ADAMTS16: variants seen among roughly 807,000 people sequenced by gnomAD.
ADAMTS16 encodes the protein A disintegrin and metalloproteinase with thrombospondin motifs 16.
A neutral mutation model predicts 145.8 loss-of-function variants in ADAMTS16; 94 were observed. That is an observed-to-expected ratio of 0.64 (90% confidence interval 0.55 to 0.77). The LOEUF is 0.77. Among genes scored for constraint, ADAMTS16 ranks in the 30% least tolerant of loss-of-function variants. The probability of loss-of-function intolerance (pLI) is 0.00; values close to 1 mark genes in which losing one functional copy is unlikely to be tolerated. For synonymous variants in ADAMTS16, 659 were observed against 604.3 expected (o/e 1.09, Z -1.33); for missense variants, 1,585 against 1,591.5 (o/e 1.00, Z 0.07).
intron 9 of ADAMTS16, among the ~76,000 whole-genome samples, chr5:5,201,446 T>C (rs1465137256): frequency 6.6e-6 from 1 of 150,834 alleles, no homozygotes; most frequent in African/African-American, 2.4e-5. Flanking sequence ...ACTAGCTAGT[T>C]GTGATAGGAA....
intron 7 of ADAMTS16, among the ~76,000 whole-genome samples, chr5:5,191,041 G>A (rs1410213568): frequency 6.6e-6 from 1 of 152,194 alleles, no homozygotes; most frequent in Non-Finnish European, 1.5e-5. Context: ...GTCCCTGGTG[G>A]ACAACATTCA....
rs776323530 is a variant in ADAMTS16 at position 5,303,291 on chromosome 5, C to T, written c.2813C>T (p.Ala938Val). ...AGCTGGTCCGTGGGGAACTGGAGTG[C>T]CTGCAGTCGGACGTGTGGCGGGGGT... ...PPSWSVGNWS[A>V]CSRTCGGGAQ... Residue 938 changes from alanine to valine, a missense_variant, in exon 19 of 23, where the codon GCC becomes GTC. Around this residue, in one of 3 missense-constraint regions of ADAMTS16, gnomAD observed 834 missense variants for 811.7 expected, o/e 1.03. Coordinates refer to ENST00000274181, the MANE Select transcript of ADAMTS16 (RefSeq NM_139056.4). The T allele has an allele frequency of 3.2e-6, 5 of 1,586,764 alleles. No homozygotes were observed. Among genetic ancestry groups the T allele is most frequent in the Non-Finnish European group, 4.3e-6 (5 of 1,164,272 alleles).
At chr5:5,302,740 C>A (rs571551264) in intron 18 of ADAMTS16, among the ~76,000 whole-genome samples, 1 of 152,136 alleles carries the variant, frequency 6.6e-6, no homozygotes, top group Non-Finnish European at 1.5e-5. Context: ...GGAACACTAG[C>A]CCTTCAGGGA....
intron 8 of ADAMTS16, among the ~76,000 whole-genome samples, chr5:5,194,513 C>T (rs887146068): frequency 3.9e-5 from 6 of 152,054 alleles, no homozygotes; most frequent in African/African-American, 1.4e-4. Flanking sequence ...TGAATGGAGT[C>T]GGGGAATGAG....
intron 9 of ADAMTS16, among the ~76,000 whole-genome samples, chr5:5,208,201 G>A (rs1265303383): frequency 3.3e-5 from 5 of 151,322 alleles, no homozygotes; most frequent in Non-Finnish European, 5.9e-5. Flanking sequence ...TGGAACGTGG[G>A]ACTGGGGGTC....
At chr5:5,159,502 G>A (rs1734688576) in intron 3 of ADAMTS16, among the ~76,000 whole-genome samples, 1 of 152,030 alleles carries the variant, frequency 6.6e-6, no homozygotes, top group South Asian at 2.1e-4. Context: ...CTCAGTCCCC[G>A]CCGCCCCCAC....
intron 10 of ADAMTS16, among the ~76,000 whole-genome samples, chr5:5,220,738 G>A (rs1736581297): frequency 6.6e-6 from 1 of 152,036 alleles, no homozygotes. Context: ...ATTAGACGTT[G>A]CTGTCCTCAT....
chr5:5,161,841 T>G (rs1264072201), intron 3 of ADAMTS16, among the ~76,000 whole-genome samples: 1 of 152,198 alleles, frequency 6.6e-6, no homozygotes, highest in Non-Finnish European at 1.5e-5. Flanking sequence ...ATGGTTCTTC[T>G]GCTCCCTGTA....
chr5:5,276,972 G>A (rs17714730), intron 18 of ADAMTS16, among the ~76,000 whole-genome samples: 18,534 of 152,068 alleles, frequency 0.12, 1,278 homozygotes, highest in Non-Finnish European at 0.16. Context: ...CCTCGTTTTC[G>A]AAAGCACTGC....
rs1435962499 is a variant in ADAMTS16 at position 5,186,226 on chromosome 5, C to G, written c.938C>G (p.Thr313Ser). 1.9e-6 allele frequency: 3 copies of G among 1,613,660 alleles called. No homozygotes were observed. Among genetic ancestry groups the G allele is most frequent in the Non-Finnish European group, 2.5e-6 (3 of 1,180,018 alleles). Reference sequence around the variant, plus strand: ...AACCATGGCCATGAAAATATCACCACCTACGTGCTCACGATACTCAACATG... The same window carrying G: ...AACCATGGCCATGAAAATATCACCAGCTACGTGCTCACGATACTCAACATG... ...MQNHGHENITTYVLTILNMVS... is the reference protein window; with the variant it reads ...MQNHGHENITSYVLTILNMVS... The change falls in exon 5 of 23, where the codon ACC becomes AGC. Residue 313 changes from threonine to serine, a missense_variant. By Grantham distance (58) the Thr-to-Ser change is moderately conservative. Transcript: ENST00000274181.
At position 5,303,646 on chromosome 5, in the gene ADAMTS16, G is replaced by C; in HGVS notation, c.3066G>C (p.Ala1022=). 6.2e-7 allele frequency: 1 copy of C among 1,614,044 alleles called. No homozygotes were observed. Among genetic ancestry groups the C allele is most frequent in the Non-Finnish European group, 8.5e-7 (1 of 1,180,018 alleles). The change falls in exon 20 of 23, where the codon GCG becomes GCC. Residue 1022 remains alanine, a synonymous_variant. Coordinates refer to ENST00000274181, the MANE Select transcript of ADAMTS16 (RefSeq NM_139056.4). ...AGAGCACCAACCCCTCGGCCAGAGC[G>C]CAGCTGCTGCCCGACGCTGTCTGCA... ...ACKSTNPSAR[A]QLLPDAVCTS...
Position 5,258,375 on chromosome 5 carries a change from G to T in ADAMTS16, c.2663-4282G>T, listed in dbSNP as rs1195759074. 2.0e-5 allele frequency among the ~76,000 whole-genome samples: 3 copies of T among 152,224 alleles called. No homozygotes were observed. In the East Asian group the frequency reaches 5.8e-4, roughly 29 times the overall value. On this transcript the variant is annotated intron_variant, in intron 17 of 22. Coordinates refer to ENST00000274181, the MANE Select transcript of ADAMTS16 (RefSeq NM_139056.4). ...GCAGACTTACACTTCTCAAAGTGTA[G>T]TCCTTGGTCCAGCATCAGCAGTAGC... is the stretch of plus-strand genomic sequence containing the variant.
At chr5:5,316,906 T>G (rs533304524) in intron 21 of ADAMTS16, among the ~76,000 whole-genome samples, 2 of 152,334 alleles carry the variant, frequency 1.3e-5, no homozygotes, top group East Asian at 1.9e-4. Flanking sequence ...TCCCCAGATA[T>G]GCACCAGTTT....
chr5:5,191,537 C>T, intron 7 of ADAMTS16, 148 bp from the exon 8 acceptor site: 1 of 630,624 alleles, frequency 1.6e-6, no homozygotes, highest in African/African-American at 1.9e-5. Flanking sequence ...ATCAAGTCCC[C>T]TTTATACGGT....
intron 3 of ADAMTS16, among the ~76,000 whole-genome samples, chr5:5,164,586 A>G (rs1437015853): frequency 1.3e-5 from 2 of 152,214 alleles, no homozygotes; most frequent in Non-Finnish European, 2.9e-5. Context: ...CACGGTGTGG[A>G]GGAAGTGTCT....
intron 10 of ADAMTS16, among the ~76,000 whole-genome samples, chr5:5,219,202 T>A (rs1349971442): frequency 6.6e-6 from 1 of 151,984 alleles, no homozygotes; most frequent in Non-Finnish European, 1.5e-5. Context: ...AACTGGGATA[T>A]CCTTCACCTT....
intron 17 of ADAMTS16, among the ~76,000 whole-genome samples, chr5:5,257,588 A>G (rs1737834537): frequency 6.6e-6 from 1 of 152,256 alleles, no homozygotes; most frequent in South Asian, 2.1e-4. Flanking sequence ...TGTTACTGCT[A>G]TCATTTTTCA....
At chr5:5,272,444 C>T (rs1441207536) in intron 18 of ADAMTS16, among the ~76,000 whole-genome samples, 3 of 146,286 alleles carry the variant, frequency 2.1e-5, no homozygotes. Context: ...TCACTGCAAG[C>T]GCCGCCTCCC....
chr5:5,192,684 G>A (rs191531691), intron 8 of ADAMTS16, among the ~76,000 whole-genome samples: 9 of 152,298 alleles, frequency 5.9e-5, no homozygotes, highest in Admixed American at 6.5e-5. Flanking sequence ...TCTCAGCAAT[G>A]GGCGGTGGGT....
Sources: allele counts gnomAD v4.1 joint callset (sites outside exome capture counted in the v4.1 genomes callset), GRCh38; gene constraint gnomAD v4.1.1; regional missense constraint gnomAD v4.1.1; transcripts MANE v1.5; gene names NCBI Gene and HGNC (gene_info 2026-07-23, HGNC 2026-07-21).